The following VEPH1 variants were observed in gnomAD, a reference collection of about 807,000 sequenced individuals.
The protein encoded by VEPH1 is ventricular zone-expressed PH domain-containing protein homolog 1.
A neutral mutation model predicts 85.2 loss-of-function variants in VEPH1; 80 were observed. The observed-to-expected ratio is 0.94, with a 90% CI of 0.78 to 1.13. VEPH1 has a LOEUF of 1.13. Among genes scored for constraint, VEPH1 ranks in the 50% most tolerant of loss-of-function variants. The pLI is 0.00. For synonymous variants in VEPH1, 297 were observed against 348.0 expected (o/e 0.85, Z 1.63); for missense variants, 955 against 980.5 (o/e 0.97, Z 0.35).
intron 11 of VEPH1, 99 bp from the exon 12 acceptor site, chr3:157,286,773 G>T: frequency 1.0e-6 from 1 of 978,688 alleles, no homozygotes; most frequent in Non-Finnish European, 1.6e-6. Context: ...GATGGTCAAT[G>T]CTCAATCTCA....
chr3:157,335,491 A>G (rs1722883318), intron 9 of VEPH1, among the ~76,000 whole-genome samples: 1 of 152,242 alleles, frequency 6.6e-6, no homozygotes, highest in Non-Finnish European at 1.5e-5. Flanking sequence ...GGAAAGGAGA[A>G]CAACAAAGAG....
At position 157,286,543 on chromosome 3, in the gene VEPH1, T is replaced by C; in HGVS notation, c.2128+14A>G. The C allele has an allele frequency of 3.1e-6, 5 of 1,607,252 alleles. No individual in the cohort carries two copies. Among genetic ancestry groups the C allele is most frequent in the Non-Finnish European group, 3.4e-6 (4 of 1,173,928 alleles). ...GGCACAAATGGTTCTTAGCAGCAGG[T>C]AAGGGTCTCTCACCAGTTGCTTTCT... is the stretch of plus-strand genomic sequence containing the variant. On this transcript the variant is annotated intron_variant, in intron 12 of 13. Transcript: ENST00000362010.
At chr3:157,333,686 A>G (rs1381386406) in intron 9 of VEPH1, among the ~76,000 whole-genome samples, 2 of 152,264 alleles carry the variant, frequency 1.3e-5, no homozygotes, top group African/African-American at 4.8e-5. Context: ...AAAGTTGTAC[A>G]GAGGCAAATA....
intron 9 of VEPH1, among the ~76,000 whole-genome samples, chr3:157,351,752 A>G (rs1311142337): frequency 1.3e-5 from 2 of 152,192 alleles, no homozygotes; most frequent in South Asian, 2.1e-4. Flanking sequence ...TTGTTGGTCC[A>G]TGGACCATAT....
Position 157,317,169 on chromosome 3 carries a change from A to G in VEPH1, c.1768T>C (p.Phe590Leu). ...TVRSCVAKLF[F>L]TCSLKGHYCL... ...TAATGACCCTTCAGGGAGCAGGTGAAGAACAACTTTGCTACACAACTTCTC... is the reference window on the plus strand; with the variant it reads ...TAATGACCCTTCAGGGAGCAGGTGAGGAACAACTTTGCTACACAACTTCTC... The change falls in exon 10 of 14, where the codon TTC (phenylalanine) becomes CTC (leucine). Residue 590 changes from phenylalanine to leucine, a missense_variant. Phe to Leu is a conservative substitution (Grantham distance 22, BLOSUM62 0). Coordinates refer to ENST00000362010, the MANE Select transcript of VEPH1 (RefSeq NM_001167912.2). The G allele has an allele frequency of 6.2e-7, 1 of 1,612,348 alleles. No homozygotes were observed. The highest frequency in any genetic ancestry group is 1.1e-5 in the South Asian group (1 of 90,764).
At chr3:157,369,180 G>GGAAAAAAAAAAAAAAAAAAAAA (rs1553773035) in intron 7 of VEPH1, among the ~76,000 whole-genome samples, 8 of 42,778 alleles carry the variant, frequency 1.9e-4, no homozygotes, top group Non-Finnish European at 1.2e-4. Context: ...AAAACCAAAT[G>GGAAAAAAAAAAAAAAAAAAAAA]AAAAAAAAAA....
At chr3:157,392,901 A>T (rs1730003922) in intron 6 of VEPH1, among the ~76,000 whole-genome samples, 1 of 152,222 alleles carries the variant, frequency 6.6e-6, no homozygotes, top group Admixed American at 6.5e-5. Context: ...TATAACCCCC[A>T]GCCTGCTATA....
Position 157,310,290 on chromosome 3 carries a change from T to G in VEPH1, c.2010+3331A>C, listed in dbSNP as rs1179326489. ...ATTTGTGTTATTTGAGGTGGGGTGC[T>G]GGCTAGGGATTAGAATATTAGCTAA... On this transcript the variant is annotated intron_variant, in intron 11 of 13. Coordinates refer to ENST00000362010, the MANE Select transcript of VEPH1 (RefSeq NM_001167912.2). Among the ~76,000 whole-genome samples the G allele has an allele frequency of 3.3e-5, 5 of 152,320 alleles. No individual in the cohort carries two copies. The East Asian group carries it at 9.6e-4, about 29-fold the overall frequency.
intron 6 of VEPH1, among the ~76,000 whole-genome samples, chr3:157,395,529 G>A (rs1730292708): frequency 6.6e-6 from 1 of 152,078 alleles, no homozygotes; most frequent in Admixed American, 6.6e-5. Context: ...GGAGTGGTTG[G>A]GGAAAGAGCC....
chr3:157,388,375 A>C (rs1222552652), intron 6 of VEPH1, among the ~76,000 whole-genome samples: 1 of 152,124 alleles, frequency 6.6e-6, no homozygotes, highest in African/African-American at 2.4e-5. Context: ...CTCCCACCCC[A>C]ATGCTTCTTT....
intron 3 of VEPH1, among the ~76,000 whole-genome samples, chr3:157,462,889 A>G (rs1246600118): frequency 6.6e-6 from 1 of 152,194 alleles, no homozygotes; most frequent in Non-Finnish European, 1.5e-5. Context: ...AAGGAAGGAC[A>G]CGTTACCAAA....
At chr3:157,390,472 G>A (rs1729752966) in intron 6 of VEPH1, among the ~76,000 whole-genome samples, 1 of 152,084 alleles carries the variant, frequency 6.6e-6, no homozygotes, top group Admixed American at 6.5e-5. Context: ...TTTTGGAGTT[G>A]GTTATGAATT....
At chr3:157,336,413 A>G (rs1253612231) in intron 9 of VEPH1, among the ~76,000 whole-genome samples, 1 of 152,178 alleles carries the variant, frequency 6.6e-6, no homozygotes. Context: ...GCAGAACTGG[A>G]TAAAATGCTT....
intron 11 of VEPH1, among the ~76,000 whole-genome samples, chr3:157,307,042 G>A (rs1719588381): frequency 1.3e-5 from 2 of 151,908 alleles, no homozygotes; most frequent in Admixed American, 1.3e-4. Context: ...TTTAATAGCT[G>A]AGTAGTATTA....
chr3:157,438,037 G>GCACACACACACACACA (rs781700719), intron 4 of VEPH1: 6 of 516,028 alleles, frequency 1.2e-5, no homozygotes, highest in African/African-American at 2.8e-5. Flanking sequence ...GCGCGCGCGC[G>GCACACACACACACACA]CACACACACA....
At chr3:157,337,345 G>T (rs986287617) in intron 9 of VEPH1, among the ~76,000 whole-genome samples, 5 of 152,022 alleles carry the variant, frequency 3.3e-5, no homozygotes, top group African/African-American at 1.2e-4. Context: ...AATTTAAAAG[G>T]TTATCCTGAT....
intron 3 of VEPH1, among the ~76,000 whole-genome samples, chr3:157,464,199 C>A (rs752764938): frequency 3.9e-5 from 6 of 152,186 alleles, no homozygotes; most frequent in African/African-American, 1.4e-4. Context: ...ACATCTCAGT[C>A]TCACCTATGC....
chr3:157,290,959 T>G (rs1165699159), intron 11 of VEPH1, among the ~76,000 whole-genome samples: 1 of 152,212 alleles, frequency 6.6e-6, no homozygotes, highest in South Asian at 2.1e-4. Context: ...TAAAAGTGCA[T>G]AGTGGCCTCT....
At chr3:157,441,038 A>G (rs1734079307) in intron 4 of VEPH1, among the ~76,000 whole-genome samples, 1 of 152,214 alleles carries the variant, frequency 6.6e-6, no homozygotes, top group Non-Finnish European at 1.5e-5. Context: ...AGACTTGCAG[A>G]ATATTAGGAG....
Sources: gnomAD v4.1 joint callset for allele counts (sites outside exome capture counted in the v4.1 genomes callset) on GRCh38, gnomAD v4.1.1 for gene constraint, MANE v1.5 for transcripts, NCBI Gene and HGNC (gene_info 2026-07-23, HGNC 2026-07-21) for gene names.